The following DEK variants were observed in gnomAD, a reference collection of about 807,000 sequenced individuals.
DEK encodes the protein DEK proto-oncogene, also known as protein DEK.
Under a neutral mutation model 46.8 loss-of-function variants are expected in DEK, and 28 were observed. That is an observed-to-expected ratio of 0.60 (90% CI 0.44 to 0.82). DEK has a LOEUF of 0.82. Among genes scored for constraint, DEK ranks in the 40% least tolerant of loss-of-function variants. The probability of loss-of-function intolerance (pLI) is 0.00; values close to 1 mark genes in which losing one functional copy is unlikely to be tolerated. For missense variants in DEK, 416 were observed against 430.6 expected (o/e 0.97, Z 0.30); for synonymous variants, 160 against 144.5 (o/e 1.11, Z -0.77).
chr6:18,234,291 T>C (rs1790553225), intron 9 of DEK, among the ~76,000 whole-genome samples: 2 of 151,710 alleles, frequency 1.3e-5, no homozygotes, highest in Non-Finnish European at 2.9e-5. Flanking sequence ...TATATATATA[T>C]ATATATATAT....
chr6:18,249,961 C>T, intron 6 of DEK, 122 bp from the exon 7 acceptor site: 1 of 1,379,124 alleles, frequency 7.3e-7, no homozygotes, highest in Non-Finnish European at 9.5e-7. Context: ...ACAAGCCCAG[C>T]AGCTTTGCAG....
At chr6:18,258,208 T>A (rs1378270850) in intron 3 of DEK, 96 bp downstream of exon 3, 6 of 1,180,978 alleles carry the variant, frequency 5.1e-6, no homozygotes, top group African/African-American at 4.6e-5. Flanking sequence ...ACCAAAAGTA[T>A]AAAACACTAC....
At chr6:18,234,205 G>A (rs1790546352) in intron 9 of DEK, among the ~76,000 whole-genome samples, 1 of 143,478 alleles carries the variant, frequency 7.0e-6, no homozygotes, top group African/African-American at 2.5e-5. Context: ...GGGGGACGGG[G>A]GAGGGATAGC....
At chr6:18,262,440 G>T (rs1435057928) in intron 2 of DEK, among the ~76,000 whole-genome samples, 1 of 152,038 alleles carries the variant, frequency 6.6e-6, no homozygotes, top group Non-Finnish European at 1.5e-5. Context: ...TTAGTAAAAA[G>T]AATAATAAAT....
At chr6:18,252,509 C>CAAAAAAAAAAAAAAAAAA (rs61626818) in intron 6 of DEK, among the ~76,000 whole-genome samples, 1 of 29,144 alleles carries the variant, frequency 3.4e-5, no homozygotes, top group Non-Finnish European at 6.4e-5. Flanking sequence ...ACGCTGTCTC[C>CAAAAAAAAAAAAAAAAAA]AAAAAAAAAA....
In DEK at chr6:18,258,424, T is replaced by C. The variant is rs1435936725; in HGVS notation, c.146-19A>G. 6.4e-7 allele frequency: 1 copy of C among 1,568,980 alleles called. No homozygotes were observed. The highest frequency in any genetic ancestry group is 8.7e-7 in the Non-Finnish European group (1 of 1,143,088). On this transcript the variant is annotated intron_variant, in intron 2 of 10. Coordinates refer to ENST00000652689, the MANE Select transcript of DEK (RefSeq NM_003472.4). ...CTCTTTTCTAGAAATTAATTTAGTATTTCTTAATTAACAAAAAGCTTAAAC... is the reference window on the plus strand; with the variant it reads ...CTCTTTTCTAGAAATTAATTTAGTACTTCTTAATTAACAAAAAGCTTAAAC...
At chr6:18,261,457 A>T (rs1791861661) in intron 2 of DEK, among the ~76,000 whole-genome samples, 1 of 152,204 alleles carries the variant, frequency 6.6e-6, no homozygotes, top group Non-Finnish European at 1.5e-5. Flanking sequence ...CTGTAATCCC[A>T]GCTACTCGAG....
chr6:18,264,052 C>G (rs755399798), intron 1 of DEK, 56 bp from the exon 2 acceptor site: 1 of 1,497,656 alleles, frequency 6.7e-7, no homozygotes. Flanking sequence ...CAGGCAGGAC[C>G]GGGCGGCCAC....
rs535832472 is a variant in DEK, at chr6:18,228,836, G to A, written c.1048-2594C>T. 6.0e-4 allele frequency among the ~76,000 whole-genome samples: 92 copies of A among 152,342 alleles called. 1 individual carries two copies. The highest frequency in any genetic ancestry group is 3.3e-3 in the South Asian group (16 of 4,830). On this transcript the variant is annotated intron_variant, in intron 9 of 10. Transcript: ENST00000652689. ...CAGCAAGGCTGGGGGAGGGGCGCCC[G>A]CCATTGCTGAGGCTTGAGTTGTAAA... is the stretch of plus-strand genomic sequence containing the variant.
Position 18,232,876 on chromosome 6 carries a change from A to C in DEK, c.1047+3576T>G, listed in dbSNP as rs2151078961. 4.6e-5 allele frequency among the ~76,000 whole-genome samples: 7 copies of C among 152,356 alleles called. 1 individual carries two copies. The highest frequency in any genetic ancestry group is 1.7e-4 in the African/African-American group (7 of 41,590). On this transcript the variant is annotated intron_variant, in intron 9 of 10. Transcript: ENST00000652689. ...TAAAGTTCATATGGAATCAAAAAAG[A>C]GCCCGCATTGCCAAAACAATCTTAA...
chr6:18,240,755 A>G (rs527564530), intron 7 of DEK, among the ~76,000 whole-genome samples: 1 of 152,344 alleles, frequency 6.6e-6, no homozygotes, highest in South Asian at 2.1e-4. Flanking sequence ...CAGAGGTTCA[A>G]GACCAGCCTG....
At chr6:18,249,165 T>C (rs567854242) in intron 7 of DEK, among the ~76,000 whole-genome samples, 8 of 152,238 alleles carry the variant, frequency 5.3e-5, no homozygotes, top group African/African-American at 1.7e-4. Flanking sequence ...ACAAAATTTA[T>C]CCACTCATTA....
intron 7 of DEK, among the ~76,000 whole-genome samples, chr6:18,239,577 G>A (rs529933550): frequency 2.0e-5 from 3 of 152,154 alleles, no homozygotes; most frequent in East Asian, 3.9e-4. Context: ...TGGCTGGGAA[G>A]CATGTAGTTT....
chr6:18,228,956 A>G lies in DEK; in HGVS notation c.1048-2714T>C, dbSNP rs1170718960. ...ACTCCACCTCTGACAGACTGCCTCA[A>G]GTGAGTCCCTGTCCCCTGAGTGGCC... On this transcript the variant is annotated intron_variant, in intron 9 of 10. Coordinates refer to ENST00000652689, the MANE Select transcript of DEK (RefSeq NM_003472.4). Among the ~76,000 whole-genome samples the G allele has an allele frequency of 3.3e-5, 5 of 152,268 alleles. No homozygotes were observed. In the Middle Eastern group the frequency reaches 0.01, roughly 311 times the overall value.
At chr6:18,248,539 A>G (rs1791224325) in intron 7 of DEK, among the ~76,000 whole-genome samples, 2 of 152,174 alleles carry the variant, frequency 1.3e-5, no homozygotes, top group Non-Finnish European at 2.9e-5. Flanking sequence ...ATATTAAGAT[A>G]TTTATGAAGC....
chr6:18,256,992 C>G (rs536577075), intron 4 of DEK, among the ~76,000 whole-genome samples: 25 of 152,198 alleles, frequency 1.6e-4, no homozygotes, highest in African/African-American at 6.0e-4. Context: ...TGTCATGCAC[C>G]AGACATTCTA....
Position 18,224,291 on chromosome 6 carries a change from TC to T in DEK, c.*1427del. On this transcript the variant is annotated 3_prime_UTR_variant, in exon 11 of 11. Coordinates refer to ENST00000652689, the MANE Select transcript of DEK (RefSeq NM_003472.4). ...TATTTTGTTCACTTGTATTTACCTT[TC>T]CCTAGTGTCTGAGTAACTATCAAGA... 1 of 183,016 alleles carries T rather than the reference TC, an allele frequency of 5.5e-6. No homozygotes were observed. Among genetic ancestry groups the T allele is most frequent in the East Asian group, 8.9e-5 (1 of 11,272 alleles). 11.3% of individuals were successfully genotyped at this position (183,016 alleles called of 1,614,324 possible).
In DEK at chr6:18,249,783, A is replaced by G; in HGVS notation, c.630T>C (p.Ser210=). 6.2e-7 allele frequency: 1 copy of G among 1,613,396 alleles called. No individual in the cohort carries two copies. The highest frequency in any genetic ancestry group is 2.2e-5 in the East Asian group (1 of 44,836). Residue 210 remains serine (S), a synonymous_variant, in exon 7 of 11, where the codon AGT becomes AGC. Transcript: ENST00000652689. ...GCTTAGCCTTCCTTGCCATTCCAGA[A>G]CTGTTCCGTTCCTTTTTACTGCCTT... ...CSKGSKKERN[S]SGMARKAKRT...
Position 18,263,949 on chromosome 6 carries a change from G to C in DEK, c.39C>G (p.Thr13=), listed in dbSNP as rs149922043. The C allele has an allele frequency of 8.0e-4, 1,293 of 1,613,158 alleles. 19 individuals carry two copies. In the Admixed American group the frequency reaches 0.014, roughly 17 times the overall value. The part of the protein sequence containing the change: ...ASAPAAEGEG[T]PTQPASEKEP... The stretch of plus-strand genomic sequence containing the variant: ...CTTTCTCGGACGCGGGCTGGGTGGG[G>C]GTTCCCTCCCCCTCCGCAGCAGGGG... Residue 13 remains threonine (T), a synonymous_variant, in exon 2 of 11, where the codon ACC becomes ACG. Transcript: ENST00000652689.
Sources: allele counts gnomAD v4.1 joint callset (sites outside exome capture counted in the v4.1 genomes callset), GRCh38; gene constraint gnomAD v4.1.1; transcripts MANE v1.5; gene names NCBI Gene and HGNC (gene_info 2026-07-23, HGNC 2026-07-21).